The following LY75 variants were observed in gnomAD, a reference collection of about 807,000 sequenced individuals.
LY75 encodes the protein lymphocyte antigen 75.
LY75 carries 185 observed loss-of-function variants against 231.7 expected under a neutral mutation model. That is an observed-to-expected ratio of 0.80 (90% confidence interval 0.71 to 0.90). LY75 has a LOEUF of 0.90. LY75 is among the 40% of genes least tolerant of loss of function. The probability of loss-of-function intolerance (pLI) is 0.00; values close to 1 mark genes in which losing one functional copy is unlikely to be tolerated. For synonymous variants in LY75, 668 were observed against 689.0 expected (o/e 0.97, Z 0.48); for missense variants, 1,947 against 2,050.2 (o/e 0.95, Z 0.97).
At chr2:159,831,851 G>C (rs1162698554) in intron 27 of LY75, 65 bp from the exon 28 acceptor site, 1 of 1,339,980 alleles carries the variant, frequency 7.5e-7, no homozygotes, top group Non-Finnish European at 1.0e-6. Context: ...TATTTGATAA[G>C]TTTAAAACAT....
At chr2:159,818,870 G>A (rs1167100749) in intron 29 of LY75, among the ~76,000 whole-genome samples, 1 of 152,190 alleles carries the variant, frequency 6.6e-6, no homozygotes, top group African/African-American at 2.4e-5. Context: ...GTGCAAGTAT[G>A]AGGATGGGCA....
At chr2:159,881,630 G>T (rs1175751465) in intron 7 of LY75, among the ~76,000 whole-genome samples, 1 of 152,128 alleles carries the variant, frequency 6.6e-6, no homozygotes, top group East Asian at 1.9e-4. Flanking sequence ...CACTGAGTAG[G>T]TACCTACTCT....
intron 25 of LY75, among the ~76,000 whole-genome samples, chr2:159,838,312 G>T (rs540278666): frequency 6.6e-6 from 1 of 152,242 alleles, no homozygotes; most frequent in South Asian, 2.1e-4. Context: ...CACAGAATAT[G>T]TTAAAATTAA....
intron 23 of LY75, among the ~76,000 whole-genome samples, chr2:159,849,593 C>T (rs1486305927): frequency 1.3e-5 from 2 of 152,150 alleles, no homozygotes; most frequent in East Asian, 3.8e-4. Context: ...AAAACCAGTA[C>T]ATCCATCAGA....
chr2:159,854,399 A>G lies in LY75; in HGVS notation c.2556T>C (p.Ser852=), dbSNP rs1234403154. The part of the protein sequence containing the change: ...SNHSFLATIT[S]FVGLKAIKNK... Reference sequence around the variant, plus strand: ...TTTTGATGGCTTTTAGTCCCACAAAAGATGTTATAGTTGCAAGAAAGCTGT... The same window carrying G: ...TTTTGATGGCTTTTAGTCCCACAAAGGATGTTATAGTTGCAAGAAAGCTGT... The change falls in exon 18 of 35, where the codon TCT becomes TCC. Residue 852 remains serine, a synonymous_variant. Transcript: ENST00000263636. The G allele has an allele frequency of 9.2e-6, 14 of 1,526,602 alleles. No homozygotes were observed. Among genetic ancestry groups the G allele is most frequent in the Non-Finnish European group, 1.2e-5 (14 of 1,129,098 alleles). The allele number at this position is 1,526,602 out of a possible 1,614,324, so 94.6% of individuals were successfully genotyped here.
chr2:159,861,407 A>C (rs1425312265), intron 14 of LY75, among the ~76,000 whole-genome samples: 1 of 152,190 alleles, frequency 6.6e-6, no homozygotes, highest in Non-Finnish European at 1.5e-5. Flanking sequence ...GTGGAATAAT[A>C]GCAAGGATTT....
At chr2:159,864,793 C>T in intron 14 of LY75, 46 bp downstream of exon 14, 5 of 1,468,788 alleles carry the variant, frequency 3.4e-6, no homozygotes, top group Non-Finnish European at 4.5e-6. Flanking sequence ...GTTATTGAAA[C>T]AAACAGTGTT....
In LY75 at chr2:159,835,500, G is replaced by A. The variant is rs745749028; in HGVS notation, c.3653C>T (p.Ala1218Val). Reference sequence around the variant, plus strand: ...CATACTTCCTGAATAGTAGCAAATAGCACCTGGTTGATTGTCATTGCAATC... The same window carrying A: ...CATACTTCCTGAATAGTAGCAAATAACACCTGGTTGATTGTCATTGCAATC... ...TVDCNDNQPGAICYYSGNETE... is the reference protein window; with the variant it reads ...TVDCNDNQPGVICYYSGNETE... The change falls in exon 26 of 35, where the codon GCT becomes GTT. Residue 1218 changes from alanine (A) to valine (V), a missense_variant. Transcript: ENST00000263636. The A allele has an allele frequency of 5.6e-6, 9 of 1,607,370 alleles. No individual in the cohort carries two copies. Among genetic ancestry groups the A allele is most frequent in the Admixed American group, 3.4e-5 (2 of 58,774 alleles).
chr2:159,882,891 C>G (rs945704371), intron 6 of LY75, among the ~76,000 whole-genome samples: 2 of 152,102 alleles, frequency 1.3e-5, no homozygotes, highest in Non-Finnish European at 2.9e-5. Context: ...TTCCTCCCCT[C>G]TGCTAGACAG....
intron 20 of LY75, among the ~76,000 whole-genome samples, 192 bp from the exon 21 acceptor site, chr2:159,852,532 C>T (rs562730587): frequency 5.9e-5 from 9 of 151,786 alleles, no homozygotes; most frequent in Non-Finnish European, 1.0e-4. Flanking sequence ...GATTCTCATA[C>T]TTCAGCCTCC....
At chr2:159,850,924 G>A (rs577691887) in intron 21 of LY75, among the ~76,000 whole-genome samples, 2 of 149,592 alleles carry the variant, frequency 1.3e-5, no homozygotes, top group East Asian at 3.9e-4. Flanking sequence ...AGTTTGTGTA[G>A]TATTATCTCA....
In LY75 at chr2:159,815,631, CA is replaced by C. The variant is rs1683101323; in HGVS notation, c.4381-59del. On this transcript the variant is annotated intron_variant, in intron 30 of 34. Coordinates refer to ENST00000263636, the MANE Select transcript of LY75 (RefSeq NM_002349.4). ...CAGATGTTTGACTTCAAAAAGAATA[CA>C]AAGAACAACATACATACTTTAAGAA... 2.6e-6 allele frequency: 4 copies of C among 1,550,870 alleles called. No homozygotes were observed. In the Admixed American group the frequency reaches 8.3e-5, roughly 32 times the overall value.
chr2:159,893,399 C>T lies in LY75; in HGVS notation c.637+515G>A, dbSNP rs183444587. 3.9e-5 allele frequency among the ~76,000 whole-genome samples: 6 copies of T among 152,322 alleles called. No individual in the cohort carries two copies. In the East Asian group the frequency reaches 9.6e-4, roughly 24 times the overall value. On this transcript the variant is annotated intron_variant, in intron 3 of 34. Coordinates refer to ENST00000263636, the MANE Select transcript of LY75 (RefSeq NM_002349.4). ...CCCCTCTGTTCAACGAACTGGAACA[C>T]TTACAGTAGTCTATTTTATGAAATG... is the stretch of plus-strand genomic sequence containing the variant.
At position 159,853,674 on chromosome 2, in the gene LY75, C is replaced by T. The variant is rs752090081; in HGVS notation, c.2619G>A (p.Trp873Ter). ...IANISGDGQK[W>*]WIRISEWPID... ...TTGGCCACTCGCTAATTCTTATCCACCACTTCTGTCCATCACCAGATATCT... is the reference window on the plus strand; with the variant it reads ...TTGGCCACTCGCTAATTCTTATCCATCACTTCTGTCCATCACCAGATATCT... Residue 873 changes from tryptophan (W) to a stop codon, truncating the protein, a stop_gained, in exon 19 of 35, where the codon TGG (tryptophan) becomes TGA (stop). Transcript: ENST00000263636. LOFTEE classifies it high-confidence loss of function. 2 of 1,613,428 alleles carry T rather than the reference C, an allele frequency of 1.2e-6. No homozygotes were observed. The highest frequency in any genetic ancestry group is 1.3e-5 in the African/African-American group (1 of 74,910).
At chr2:159,867,886 C>A (rs1684903233) in intron 13 of LY75, among the ~76,000 whole-genome samples, 1 of 152,126 alleles carries the variant, frequency 6.6e-6, no homozygotes, top group Non-Finnish European at 1.5e-5. Flanking sequence ...CACCATGAAT[C>A]CTTTTCACTG....
chr2:159,858,593 T>G, intron 15 of LY75, 117 bp from the exon 16 acceptor site: 3 of 1,166,262 alleles, frequency 2.6e-6, no homozygotes, highest in Middle Eastern at 3.0e-4. Flanking sequence ...AAGATATTTG[T>G]TCGATAAATG....
chr2:159,873,525 G>A (rs1376461309), intron 12 of LY75, among the ~76,000 whole-genome samples: 2 of 152,126 alleles, frequency 1.3e-5, no homozygotes, highest in Non-Finnish European at 2.9e-5. Flanking sequence ...CAGCTGACCT[G>A]AAGTTGGGAG....
intron 8 of LY75, among the ~76,000 whole-genome samples, chr2:159,879,670 C>T (rs1685377055): frequency 6.6e-6 from 1 of 152,010 alleles, no homozygotes; most frequent in Admixed American, 6.6e-5. Context: ...AGAACTCAGC[C>T]CACAGTTCCA....
rs1161838586 is a variant in LY75, at chr2:159,858,569, TA to T, written c.2269-94del. Reference sequence around the variant, plus strand: ...AGCCCTATGACTTTGATCTCTATTTTAGCTCTAGCACCTAAGATATTTGTTC... The same window carrying T: ...AGCCCTATGACTTTGATCTCTATTTTGCTCTAGCACCTAAGATATTTGTTC... On this transcript the variant is annotated intron_variant, in intron 15 of 34. Transcript: ENST00000263636. The T allele has an allele frequency of 4.0e-5, 54 of 1,355,306 alleles. 1 individual carries two copies. In the African/African-American group the frequency reaches 7.2e-4, roughly 18 times the overall value. The allele number at this position is 1,355,306 out of a possible 1,614,324, so 84.0% of individuals were successfully genotyped here.
Sources: gnomAD v4.1 joint callset for allele counts (sites outside exome capture counted in the v4.1 genomes callset) on GRCh38, gnomAD v4.1.1 for gene constraint, MANE v1.5 for transcripts, NCBI Gene and HGNC (gene_info 2026-07-23, HGNC 2026-07-21) for gene names.